The following PRKCB variants were observed in gnomAD, a reference collection of about 807,000 sequenced individuals.
PRKCB encodes protein kinase C beta.
A neutral mutation model predicts 81.5 loss-of-function variants in PRKCB; 13 were observed. The ratio of observed to expected loss-of-function variants is 0.16; its 90% CI spans 0.10 to 0.25. The LOEUF (loss-of-function observed/expected upper bound fraction) is 0.25. Ranked by LOEUF, PRKCB falls within the 10% of genes least tolerant of loss-of-function variation. PRKCB has a pLI of 1.00. For synonymous variants in PRKCB, 335 were observed against 321.4 expected (o/e 1.04, Z -0.45); for missense variants, 509 against 875.7 (o/e 0.58, Z 5.29).
At chr16:23,912,839 T>TA (rs59345283) in intron 2 of PRKCB, among the ~76,000 whole-genome samples, 51,574 of 149,258 alleles carry the variant, frequency 0.35, 9,167 homozygotes, top group South Asian at 0.54. Context: ...TTTATTTATT[T>TA]TTTGATATGG....
intron 5 of PRKCB, among the ~76,000 whole-genome samples, chr16:24,055,158 T>G (rs1965889208): frequency 6.6e-6 from 1 of 152,274 alleles, no homozygotes. Flanking sequence ...ACCCCTCCTC[T>G]GAGTTGCCTA....
intron 2 of PRKCB, 121 bp from the exon 3 acceptor site, chr16:23,988,387 G>A: frequency 1.4e-6 from 1 of 709,816 alleles, no homozygotes; most frequent in Non-Finnish European, 2.4e-6. Context: ...TGTTTATTTT[G>A]GCATAAAGGC....
At chr16:24,064,994 G>GTATA (rs201976502) in intron 5 of PRKCB, among the ~76,000 whole-genome samples, 5 of 145,870 alleles carry the variant, frequency 3.4e-5, no homozygotes, top group African/African-American at 1.2e-4. Flanking sequence ...TGGTGTGTGT[G>GTATA]TATATATATA....
At chr16:24,059,132 G>T (rs1965941476) in intron 5 of PRKCB, among the ~76,000 whole-genome samples, 1 of 152,130 alleles carries the variant, frequency 6.6e-6, no homozygotes, top group South Asian at 2.1e-4. Flanking sequence ...TGGGTTGCAT[G>T]GGTGACTGTG....
At chr16:23,865,567 GTGTA>G (rs775595763) in intron 2 of PRKCB, among the ~76,000 whole-genome samples, 589 of 6,610 alleles carry the variant, frequency 0.089, 92 homozygotes, top group African/African-American at 0.11. Context: ...GTGTGTGTGT[GTGTA>G]TATGTATATT....
At chr16:24,124,080 A>G (rs539605078) in intron 9 of PRKCB, 99 bp downstream of exon 9, 1 of 1,364,062 alleles carries the variant, frequency 7.3e-7, no homozygotes, top group East Asian at 2.3e-5. Context: ...AGTGGGAGAG[A>G]GAGTAAGAAG....
chr16:23,986,673 G>A (rs1964808069), intron 2 of PRKCB, among the ~76,000 whole-genome samples: 1 of 152,056 alleles, frequency 6.6e-6, no homozygotes, highest in Non-Finnish European at 1.5e-5. Context: ...TTTTCATCTT[G>A]TAACCCTCCT....
In PRKCB at chr16:24,180,881, G is replaced by A. The variant is rs1466858740; in HGVS notation, c.1486G>A (p.Val496Met). 1.9e-6 allele frequency: 3 copies of A among 1,614,174 alleles called. No individual in the cohort carries two copies. Among genetic ancestry groups the A allele is most frequent in the Admixed American group, 1.7e-5 (1 of 60,016 alleles). The change falls in exon 13 of 17, where the codon GTG (valine) becomes ATG (methionine). Residue 496 changes from valine (V) to methionine (M), a missense_variant. Physicochemically the swap from Val to Met is conservative, Grantham distance 21 (BLOSUM62 1). This residue lies in a region of PRKCB where 106 missense variants were observed against 214.0 expected (regional missense o/e 0.50). Coordinates refer to ENST00000643927, the MANE Select transcript of PRKCB (RefSeq NM_002738.7). ...GTGTAAGGAAAACATCTGGGATGGG[G>A]TGACAACCAAGACATTCTGTGGCAC... ...GMCKENIWDG[V>M]TTKTFCGTPD...
Position 24,205,098 on chromosome 16 carries a change from C to T in PRKCB, c.1864-9560C>T, listed in dbSNP as rs542757844. Among the ~76,000 whole-genome samples, 15 of 147,220 alleles carry T rather than the reference C, an allele frequency of 1.0e-4. No individual in the cohort carries two copies. The South Asian group carries it at 1.5e-3, about 15-fold the overall frequency. On this transcript the variant is annotated intron_variant, in intron 16 of 16. Coordinates refer to ENST00000643927, the MANE Select transcript of PRKCB (RefSeq NM_002738.7). ...TCGTGCCACTGCACACCAGCCTGGG[C>T]GACAAAGTGAGACTTCATCTCAAAA... is the stretch of plus-strand genomic sequence containing the variant.
chr16:24,167,328 G>A (rs570051571), intron 10 of PRKCB, among the ~76,000 whole-genome samples: 1 of 151,996 alleles, frequency 6.6e-6, no homozygotes, highest in African/African-American at 2.4e-5. Context: ...AGCAGTATTG[G>A]TCTGAGAAAT....
chr16:23,904,665 A>G (rs998057426), intron 2 of PRKCB, among the ~76,000 whole-genome samples: 1 of 152,198 alleles, frequency 6.6e-6, no homozygotes, highest in Non-Finnish European at 1.5e-5. Flanking sequence ...TTCATCTCAA[A>G]AGAACAACAA....
At chr16:23,988,867 T>C (rs913525609) in intron 3 of PRKCB, among the ~76,000 whole-genome samples, 1 of 152,072 alleles carries the variant, frequency 6.6e-6, no homozygotes, top group African/African-American at 2.4e-5. Context: ...GGGGCCTACT[T>C]GGTAGTGTGG....
intron 2 of PRKCB, among the ~76,000 whole-genome samples, chr16:23,894,207 G>C (rs929278162): frequency 2.0e-5 from 3 of 152,104 alleles, no homozygotes; most frequent in Non-Finnish European, 2.9e-5. Context: ...TTCAAGTTTT[G>C]GTTGCATCAC....
intron 5 of PRKCB, among the ~76,000 whole-genome samples, chr16:24,079,617 G>A (rs750319826): frequency 6.6e-6 from 1 of 152,138 alleles, no homozygotes; most frequent in Non-Finnish European, 1.5e-5. Context: ...CAGAAAAATG[G>A]TATCAATCAG....
chr16:24,174,395 C>T, intron 11 of PRKCB, 123 bp from the exon 12 acceptor site: 1 of 836,830 alleles, frequency 1.2e-6, no homozygotes, highest in Non-Finnish European at 1.9e-6. Context: ...AGCTATATAG[C>T]TGACCATCCA....
intron 2 of PRKCB, among the ~76,000 whole-genome samples, chr16:23,908,335 A>G (rs141087377): frequency 6.6e-6 from 1 of 152,192 alleles, no homozygotes; most frequent in African/African-American, 2.4e-5. Context: ...TGGGGGTTTT[A>G]TAGGCCAGGC....
chr16:24,193,290 C>CA (rs1236176518), intron 16 of PRKCB, among the ~76,000 whole-genome samples: 1 of 151,442 alleles, frequency 6.6e-6, no homozygotes, highest in African/African-American at 2.4e-5. Context: ...TAAAAAAGTA[C>CA]AAAAAATAGC....
intron 2 of PRKCB, among the ~76,000 whole-genome samples, chr16:23,959,633 T>C (rs1471676399): frequency 6.6e-6 from 1 of 152,210 alleles, no homozygotes; most frequent in Non-Finnish European, 1.5e-5. Flanking sequence ...TTATCTTTTA[T>C]CCAGCTGGAG....
chr16:24,026,992 A>G (rs1052179887), intron 3 of PRKCB, among the ~76,000 whole-genome samples: 2 of 152,160 alleles, frequency 1.3e-5, no homozygotes, highest in Non-Finnish European at 2.9e-5. Context: ...AGTCATGAAC[A>G]GGGGTTCCTT....
Sources: gnomAD v4.1 joint callset for allele counts (sites outside exome capture counted in the v4.1 genomes callset) on GRCh38, gnomAD v4.1.1 for gene constraint, gnomAD v4.1.1 regional missense constraint, MANE v1.5 for transcripts, NCBI Gene and HGNC (gene_info 2026-07-23, HGNC 2026-07-21) for gene names.